The following SGCD variants were observed in gnomAD, a reference collection of about 807,000 sequenced individuals.
The protein encoded by SGCD is delta-sarcoglycan.
A neutral mutation model predicts 36.6 loss-of-function variants in SGCD; 18 were observed. That is an observed-to-expected ratio of 0.49 (90% CI 0.34 to 0.73). The LOEUF (loss-of-function observed/expected upper bound fraction) is 0.73. SGCD is among the 30% of genes least tolerant of loss of function. SGCD has a pLI of 0.01. For synonymous variants in SGCD, 133 were observed against 130.6 expected (o/e 1.02, Z -0.12); for missense variants, 387 against 346.7 (o/e 1.12, Z -0.92).
At chr5:156,344,701 T>C (rs755895323) in intron 3 of SGCD, 24 bp downstream of exon 3, 139 of 1,559,874 alleles carry the variant, frequency 8.9e-5, no homozygotes, top group Middle Eastern at 5.0e-4. Flanking sequence ...TCTAGGTTTG[T>C]TTAGCTTTCT....
chr5:156,505,077 G>C (rs1023745199), intron 3 of SGCD, among the ~76,000 whole-genome samples: 11 of 152,206 alleles, frequency 7.2e-5, no homozygotes, highest in African/African-American at 2.7e-4. Context: ...TGCCTCTCCA[G>C]CTATCAGAAA....
chr5:156,470,315 G>C (rs1274383146), intron 3 of SGCD, among the ~76,000 whole-genome samples: 1 of 151,068 alleles, frequency 6.6e-6, no homozygotes, highest in East Asian at 1.9e-4. Context: ...ATGAATGATT[G>C]TTACATAATT....
intron 4 of SGCD, among the ~76,000 whole-genome samples, chr5:156,546,889 A>C (rs1758596718): frequency 6.6e-6 from 1 of 152,186 alleles, no homozygotes; most frequent in Non-Finnish European, 1.5e-5. Context: ...AATCAGGAGG[A>C]GGTCCTTGAT....
intron 4 of SGCD, among the ~76,000 whole-genome samples, chr5:156,543,293 C>T (rs1758426584): frequency 6.6e-6 from 1 of 152,132 alleles, no homozygotes; most frequent in Admixed American, 6.6e-5. Context: ...GATATGCCTC[C>T]CTCATTTATA....
At chr5:156,400,758 C>T (rs1466095994) in intron 3 of SGCD, among the ~76,000 whole-genome samples, 6 of 152,308 alleles carry the variant, frequency 3.9e-5, no homozygotes, top group Admixed American at 6.5e-5. Flanking sequence ...CTTGGACTCT[C>T]CTATGATTTG....
chr5:155,905,741 A>C (rs1007879813), intron 1 of SGCD, among the ~76,000 whole-genome samples: 14 of 152,040 alleles, frequency 9.2e-5, no homozygotes, highest in Non-Finnish European at 1.8e-4. Flanking sequence ...GATAGTTAAT[A>C]AGTCTCACGA....
At chr5:156,581,011 C>T (rs1412749879) in intron 4 of SGCD, among the ~76,000 whole-genome samples, 1 of 152,142 alleles carries the variant, frequency 6.6e-6, no homozygotes, top group Non-Finnish European at 1.5e-5. Flanking sequence ...CAGCTTTTCT[C>T]CTCCGGTTTC....
chr5:156,077,452 ATTTATC>A (rs1481403718), intron 1 of SGCD, among the ~76,000 whole-genome samples: 2 of 152,134 alleles, frequency 1.3e-5, no homozygotes, highest in African/African-American at 4.8e-5. Context: ...GGAATATTAA[ATTTATC>A]TTTATCTTTA....
At chr5:155,765,696 C>A in the SGCD span, among the ~76,000 whole-genome samples, 1 of 152,032 alleles carries the variant, frequency 6.6e-6, no homozygotes, top group African/African-American at 2.4e-5. Flanking sequence ...ATCGTTAAAC[C>A]TCCCACTCAC....
At chr5:155,958,521 C>T (rs1757713322) in intron 1 of SGCD, among the ~76,000 whole-genome samples, 1 of 152,042 alleles carries the variant, frequency 6.6e-6, no homozygotes, top group Admixed American at 6.6e-5. Context: ...ATTTTGTGTT[C>T]CATGAGGAGT....
At chr5:155,989,955 A>C (rs1758400242) in intron 1 of SGCD, among the ~76,000 whole-genome samples, 1 of 152,220 alleles carries the variant, frequency 6.6e-6, no homozygotes, top group Non-Finnish European at 1.5e-5. Flanking sequence ...TGTGAATAAA[A>C]ATGAGACCAT....
intron 3 of SGCD, among the ~76,000 whole-genome samples, chr5:156,299,643 A>T (rs1365605235): frequency 6.6e-6 from 1 of 151,858 alleles, no homozygotes; most frequent in Non-Finnish European, 1.5e-5. Context: ...CGTTATAGAG[A>T]TCTTTCACTT....
At chr5:156,487,603 C>T (rs774717621) in intron 3 of SGCD, among the ~76,000 whole-genome samples, 10 of 151,572 alleles carry the variant, frequency 6.6e-5, no homozygotes, top group Non-Finnish European at 1.2e-4. Flanking sequence ...GCCTGACCAA[C>T]GTGGTGAAAC....
chr5:156,395,035 G>A (rs1184416910), intron 3 of SGCD, among the ~76,000 whole-genome samples: 1 of 152,206 alleles, frequency 6.6e-6, no homozygotes, highest in Non-Finnish European at 1.5e-5. Flanking sequence ...GACAGGATGT[G>A]TGTGATTATG....
the SGCD span, among the ~76,000 whole-genome samples, chr5:155,775,669 C>A: frequency 6.6e-6 from 1 of 152,042 alleles, no homozygotes; most frequent in South Asian, 2.1e-4. Context: ...AATAAGCAAA[C>A]AGGGTGAAAA....
intron 3 of SGCD, among the ~76,000 whole-genome samples, chr5:156,487,527 C>T (rs776022688): frequency 3.3e-5 from 5 of 151,804 alleles, no homozygotes; most frequent in African/African-American, 7.3e-5. Flanking sequence ...TGGTGGCTCA[C>T]GCCTGTAATC....
chr5:156,205,927 A>G (rs1022976430), intron 3 of SGCD, among the ~76,000 whole-genome samples: 2 of 151,018 alleles, frequency 1.3e-5, no homozygotes, highest in African/African-American at 4.9e-5. Context: ...TTCAAGGGAG[A>G]TGACCTGTCC....
At chr5:156,712,530 G>C (rs1308289361) in intron 7 of SGCD, among the ~76,000 whole-genome samples, 2 of 152,170 alleles carry the variant, frequency 1.3e-5, no homozygotes, top group Non-Finnish European at 2.9e-5. Context: ...GCAAATATTA[G>C]AGACTAGACA....
chr5:156,460,785 A>T (rs573534460), intron 3 of SGCD, among the ~76,000 whole-genome samples: 1 of 152,296 alleles, frequency 6.6e-6, no homozygotes, highest in Admixed American at 6.5e-5. Context: ...ATGGTTCACA[A>T]AAAGGAGTTC....
Sources: gnomAD v4.1 joint callset for allele counts (sites outside exome capture counted in the v4.1 genomes callset) on GRCh38, gnomAD v4.1.1 for gene constraint, MANE v1.5 for transcripts, NCBI Gene and HGNC (gene_info 2026-07-23, HGNC 2026-07-21) for gene names.